The following HS6ST3 variants were observed in gnomAD, a reference collection of about 807,000 sequenced individuals.
HS6ST3 encodes heparan sulfate 6-O-sulfotransferase 3.
A neutral mutation model predicts 36.7 loss-of-function variants in HS6ST3; 12 were observed. That is an observed-to-expected ratio of 0.33 (90% CI 0.21 to 0.53). The LOEUF is 0.53. HS6ST3 is among the 20% of genes least tolerant of loss of function. The pLI, the probability that HS6ST3 is intolerant of heterozygous loss-of-function variation, is 0.95. For synonymous variants in HS6ST3, 240 were observed against 257.5 expected (o/e 0.93, Z 0.65); for missense variants, 584 against 640.9 (o/e 0.91, Z 0.96).
intron 1 of HS6ST3, among the ~76,000 whole-genome samples, chr13:96,355,155 T>C (rs1257581337): frequency 6.6e-6 from 1 of 152,098 alleles, no homozygotes; most frequent in Non-Finnish European, 1.5e-5. Context: ...CATGATTGCT[T>C]TGAAGAATCT....
chr13:96,541,751 A>G (rs2056178778), intron 1 of HS6ST3, among the ~76,000 whole-genome samples: 1 of 152,180 alleles, frequency 6.6e-6, no homozygotes, highest in African/African-American at 2.4e-5. Context: ...CATGGAATAT[A>G]TAAGAACGTT....
At chr13:96,411,620 C>T (rs537660352) in intron 1 of HS6ST3, among the ~76,000 whole-genome samples, 2 of 152,130 alleles carry the variant, frequency 1.3e-5, no homozygotes, top group Admixed American at 1.3e-4. Context: ...ATAGGGGTGG[C>T]ACACTCAGAT....
intron 1 of HS6ST3, among the ~76,000 whole-genome samples, chr13:96,585,283 A>G (rs1299796728): frequency 6.6e-6 from 1 of 152,204 alleles, no homozygotes; most frequent in African/African-American, 2.4e-5. Flanking sequence ...AAAAAAAGTA[A>G]AAGTCTGTCA....
chr13:96,738,644 T>A (rs904513573), intron 1 of HS6ST3, among the ~76,000 whole-genome samples: 8 of 152,202 alleles, frequency 5.3e-5, no homozygotes, highest in Non-Finnish European at 1.5e-5. Flanking sequence ...TCATTGAGAA[T>A]GTAAATGTGA....
chr13:96,350,273 G>A (rs1238512689), intron 1 of HS6ST3, among the ~76,000 whole-genome samples: 2 of 152,202 alleles, frequency 1.3e-5, no homozygotes, highest in African/African-American at 4.8e-5. Flanking sequence ...GGTTTGAGCT[G>A]AACATGTCTG....
chr13:96,635,964 A>G (rs776278310), intron 1 of HS6ST3, among the ~76,000 whole-genome samples: 2 of 152,178 alleles, frequency 1.3e-5, no homozygotes, highest in Non-Finnish European at 2.9e-5. Context: ...TACTCCTCAA[A>G]TAATGTAAAC....
chr13:96,265,123 G>A (rs1330052424), intron 1 of HS6ST3, among the ~76,000 whole-genome samples: 1 of 152,072 alleles, frequency 6.6e-6, no homozygotes, highest in East Asian at 1.9e-4. Flanking sequence ...CTCTTTCTTG[G>A]AAATTTTGAA....
At chr13:96,162,103 G>A (rs1258281592) in intron 1 of HS6ST3, among the ~76,000 whole-genome samples, 2 of 152,122 alleles carry the variant, frequency 1.3e-5, no homozygotes, top group Non-Finnish European at 2.9e-5. Context: ...CACAGCCTGG[G>A]AACAGCTTAA....
intron 1 of HS6ST3, among the ~76,000 whole-genome samples, chr13:96,427,585 T>C (rs967524199): frequency 9.9e-5 from 15 of 152,230 alleles, no homozygotes; most frequent in African/African-American, 3.1e-4. Flanking sequence ...AAATTTAGCA[T>C]TACAAAAACA....
intron 1 of HS6ST3, among the ~76,000 whole-genome samples, chr13:96,622,665 T>A (rs1296653904): frequency 6.6e-6 from 1 of 152,210 alleles, no homozygotes; most frequent in African/African-American, 2.4e-5. Context: ...ACTATCTACT[T>A]TTCCCACATC....
intron 1 of HS6ST3, among the ~76,000 whole-genome samples, chr13:96,491,942 T>C (rs942988051): frequency 4.6e-5 from 7 of 152,308 alleles, no homozygotes; most frequent in Admixed American, 2.0e-4. Flanking sequence ...CAAATTTTGT[T>C]ACTAGAGCTT....
At chr13:96,783,415 C>T (rs550309594) in intron 1 of HS6ST3, among the ~76,000 whole-genome samples, 1 of 152,236 alleles carries the variant, frequency 6.6e-6, no homozygotes, top group African/African-American at 2.4e-5. Context: ...CCGCAGAAAT[C>T]TCTGCTACTT....
chr13:96,245,017 A>T (rs1350858798), intron 1 of HS6ST3, among the ~76,000 whole-genome samples: 4 of 152,224 alleles, frequency 2.6e-5, no homozygotes, highest in African/African-American at 9.6e-5. Flanking sequence ...AATCTGTTTC[A>T]GTTACAGCAA....
At chr13:96,229,386 G>T (rs189846167) in intron 1 of HS6ST3, among the ~76,000 whole-genome samples, 1 of 152,118 alleles carries the variant, frequency 6.6e-6, no homozygotes, top group Non-Finnish European at 1.5e-5. Flanking sequence ...TAAAAAACAG[G>T]CACTTATCTC....
chr13:96,760,652 A>G (rs888970535), intron 1 of HS6ST3, among the ~76,000 whole-genome samples: 2 of 152,236 alleles, frequency 1.3e-5, no homozygotes, highest in African/African-American at 4.8e-5. Flanking sequence ...TAATATAATC[A>G]TATATCTTTA....
At chr13:96,333,093 C>T (rs1239809435) in intron 1 of HS6ST3, among the ~76,000 whole-genome samples, 1 of 152,228 alleles carries the variant, frequency 6.6e-6, no homozygotes. Flanking sequence ...ATAAGCTACT[C>T]AGCCTTTGAG....
chr13:96,447,755 C>T (rs903295769), intron 1 of HS6ST3, among the ~76,000 whole-genome samples: 4 of 152,176 alleles, frequency 2.6e-5, no homozygotes, highest in African/African-American at 4.8e-5. Flanking sequence ...CAAATCAGAC[C>T]ACCTCCTCAT....
intron 1 of HS6ST3, among the ~76,000 whole-genome samples, chr13:96,229,437 G>A (rs1353452522): frequency 2.0e-5 from 3 of 152,184 alleles, no homozygotes; most frequent in African/African-American, 7.2e-5. Flanking sequence ...TAAGGTGCTG[G>A]TGGATTTGGT....
At chr13:96,476,570 C>A (rs936430822) in intron 1 of HS6ST3, among the ~76,000 whole-genome samples, 13 of 152,136 alleles carry the variant, frequency 8.5e-5, no homozygotes, top group Non-Finnish European at 1.6e-4. Context: ...ACCTTGTTAG[C>A]CAGGATCGTC....
Sources: allele counts gnomAD v4.1 joint callset (sites outside exome capture counted in the v4.1 genomes callset), GRCh38; gene constraint gnomAD v4.1.1; transcripts MANE v1.5; gene names NCBI Gene and HGNC (gene_info 2026-07-23, HGNC 2026-07-21).